Variants in ARNT2 observed in about 807,000 individuals in gnomAD.
ARNT2 encodes ARNT protein 2.
Under a neutral mutation model 91.7 loss-of-function variants are expected in ARNT2, and 36 were observed. The ratio of observed to expected loss-of-function variants is 0.39; its 90% CI spans 0.30 to 0.52. The LOEUF is 0.52. ARNT2 is among the 20% of genes least tolerant of loss of function. ARNT2 has a pLI of 0.72. For missense variants in ARNT2, 775 were observed against 939.3 expected, an observed-to-expected ratio of 0.83 and a Z score of 2.29; for synonymous variants, 365 against 347.1, an observed-to-expected ratio of 1.05 and a Z score of -0.57.
intron 2 of ARNT2, among the ~76,000 whole-genome samples, chr15:80,453,382 AG>A (rs1896432327): frequency 1.3e-5 from 2 of 152,116 alleles, no homozygotes; most frequent in South Asian, 4.1e-4. Flanking sequence ...TGCCGGAGGG[AG>A]GGGGCACACA....
Position 80,591,579 on chromosome 15 carries a change from C to A in ARNT2, c.1930C>A (p.Gln644Lys). 4 of 1,614,140 alleles carry A rather than the reference C, an allele frequency of 2.5e-6. No homozygotes were observed. Among genetic ancestry groups the A allele is most frequent in the Non-Finnish European group, 3.4e-6 (4 of 1,180,024 alleles). Residue 644 changes from glutamine to lysine, a missense_variant, in exon 18 of 19, where the codon CAA (glutamine) becomes AAA (lysine). By Grantham distance (53) the Gln-to-Lys change is moderately conservative. This residue lies in a region of ARNT2 where 325 missense variants were observed against 359.9 expected (regional missense o/e 0.90). Coordinates refer to ENST00000303329, the MANE Select transcript of ARNT2 (RefSeq NM_014862.4). This position sits in a 1 kb window ranked among gnomAD's most constrained non-coding sequence, Gnocchi z 5.1. ...GTCGAATCTTTCAGCTGAAAGTGGA[C>A]AAAGTAGCGGGCAGTTCCAAGGGCG... ...NRTPGFAESGQSSGQFQGRPS... is the reference protein window; with the variant it reads ...NRTPGFAESGKSSGQFQGRPS...
chr15:80,477,749 A>C (rs1367740750), intron 5 of ARNT2, among the ~76,000 whole-genome samples: 1 of 152,234 alleles, frequency 6.6e-6, no homozygotes, highest in Non-Finnish European at 1.5e-5. Context: ...TCCCAAATAC[A>C]GTCACATTCT....
At chr15:80,592,144 C>T (rs1486510397) in intron 18 of ARNT2, among the ~76,000 whole-genome samples, 1 of 152,198 alleles carries the variant, frequency 6.6e-6, no homozygotes, top group African/African-American at 2.4e-5. Flanking sequence ...CAGCCTTGCC[C>T]TGGCTCTGCT....
chr15:80,583,406 G>T (rs1341004707), intron 17 of ARNT2, among the ~76,000 whole-genome samples: 5 of 152,236 alleles, frequency 3.3e-5, no homozygotes, highest in African/African-American at 1.2e-4. Flanking sequence ...AGGCCCTGAA[G>T]TATAAATGGA....
In ARNT2 at chr15:80,563,133, C is replaced by G. The variant is rs768601519; in HGVS notation, c.1210C>G (p.Arg404Gly). Residue 404 changes from arginine (R) to glycine (G), a missense_variant, in exon 12 of 19, where the codon CGC (arginine) becomes GGC (glycine). Physicochemically the swap from Arg to Gly is moderately radical, Grantham distance 125 (BLOSUM62 -2). Coordinates refer to ENST00000303329, the MANE Select transcript of ARNT2 (RefSeq NM_014862.4). ...AGTCCTGTCGGTCATGTATCGATTTCGCACCAAGAACCGGGAGTGGATGTT... is the reference window on the plus strand; with the variant it reads ...AGTCCTGTCGGTCATGTATCGATTTGGCACCAAGAACCGGGAGTGGATGTT... The part of the protein sequence containing the change: ...GQVLSVMYRF[R>G]TKNREWMLIR... 6.2e-7 allele frequency: 1 copy of G among 1,614,176 alleles called. No individual in the cohort carries two copies. The highest frequency in any genetic ancestry group is 2.2e-5 in the East Asian group (1 of 44,882).
chr15:80,435,583 C>T (rs1488383005), intron 1 of ARNT2, among the ~76,000 whole-genome samples: 2 of 152,158 alleles, frequency 1.3e-5, no homozygotes, highest in African/African-American at 4.8e-5. Flanking sequence ...AGCCCTCTCA[C>T]ATTCCTCTGG....
At chr15:80,441,741 T>G (rs1302886362) in intron 1 of ARNT2, among the ~76,000 whole-genome samples, 1 of 152,188 alleles carries the variant, frequency 6.6e-6, no homozygotes, top group East Asian at 1.9e-4. Context: ...TACACTGTAT[T>G]ATAGGAATTC....
Position 80,597,276 on chromosome 15 carries a change from T to A in ARNT2, c.*3578T>A. On this transcript the variant is annotated 3_prime_UTR_variant, in exon 19 of 19. Coordinates refer to ENST00000303329, the MANE Select transcript of ARNT2 (RefSeq NM_014862.4). Reference sequence around the variant, plus strand: ...GCGAGAATGTGAACGCTCACCTTGCTCCGTCACGGTTCTGACCTACCACAT... The same window carrying A: ...GCGAGAATGTGAACGCTCACCTTGCACCGTCACGGTTCTGACCTACCACAT... 1 of 518,484 alleles carries A rather than the reference T, an allele frequency of 1.9e-6. No individual in the cohort carries two copies. The highest frequency in any genetic ancestry group is 3.8e-6 in the Non-Finnish European group (1 of 259,794). 32.1% of individuals were successfully genotyped at this position (518,484 alleles called of 1,614,324 possible).
intron 1 of ARNT2, among the ~76,000 whole-genome samples, chr15:80,406,650 G>A (rs1332453205): frequency 6.6e-6 from 1 of 152,174 alleles, no homozygotes; most frequent in Non-Finnish European, 1.5e-5. Flanking sequence ...AGGAAAGCCT[G>A]TGCCTGTGCC....
intron 12 of ARNT2, among the ~76,000 whole-genome samples, chr15:80,573,790 G>A (rs938216458): frequency 4.6e-5 from 7 of 152,148 alleles, no homozygotes; most frequent in African/African-American, 1.7e-4. Flanking sequence ...GTAAACACCC[G>A]CCCGTTTATG....
chr15:80,583,773 G>A (rs1278641592), intron 17 of ARNT2, among the ~76,000 whole-genome samples: 1 of 152,188 alleles, frequency 6.6e-6, no homozygotes, highest in East Asian at 1.9e-4. Flanking sequence ...TCAAAGCTGG[G>A]CAGTACATCT....
At chr15:80,475,575 A>G (rs1896791017) in intron 5 of ARNT2, 1 of 177,690 alleles carries the variant, frequency 5.6e-6, no homozygotes, top group African/African-American at 2.4e-5. Context: ...AAAAAAAAAA[A>G]AAAAATTATT....
intron 8 of ARNT2, among the ~76,000 whole-genome samples, chr15:80,539,212 A>G (rs986974089): frequency 1.3e-5 from 2 of 152,136 alleles, no homozygotes; most frequent in Non-Finnish European, 2.9e-5. Flanking sequence ...ACAAAAACCT[A>G]CAAACTATGA....
At chr15:80,507,976 A>G (rs1345510374) in intron 5 of ARNT2, among the ~76,000 whole-genome samples, 180 bp from the exon 6 acceptor site, 1 of 152,146 alleles carries the variant, frequency 6.6e-6, no homozygotes, top group African/African-American at 2.4e-5. Context: ...AACTGTATGG[A>G]TTTCATCACT....
At chr15:80,489,970 G>A (rs942204335) in intron 5 of ARNT2, among the ~76,000 whole-genome samples, 21 of 152,178 alleles carry the variant, frequency 1.4e-4, no homozygotes, top group African/African-American at 4.8e-4. Context: ...GACAGTGCCT[G>A]GCGTGGTCTG....
intron 13 of ARNT2, 136 bp from the exon 14 acceptor site, chr15:80,574,851 T>A (rs965827449): frequency 8.6e-7 from 1 of 1,159,482 alleles, no homozygotes. Flanking sequence ...TCCCACCCGA[T>A]AAAATGTTCC....
intron 12 of ARNT2, 118 bp from the exon 13 acceptor site, chr15:80,574,030 T>C (rs1194878012): frequency 2.6e-6 from 2 of 757,838 alleles, no homozygotes; most frequent in African/African-American, 1.7e-5. Context: ...TGGAAAACAA[T>C]GTAGAGATCC....
intron 17 of ARNT2, among the ~76,000 whole-genome samples, chr15:80,587,367 A>G (rs997403287): frequency 1.3e-5 from 2 of 151,640 alleles, no homozygotes; most frequent in African/African-American, 2.4e-5. Context: ...GATAATGACA[A>G]GTGTTTCCAG....
chr15:80,593,774 C>T lies in ARNT2; in HGVS notation c.*76C>T. 4 of 1,372,232 alleles carry T rather than the reference C, an allele frequency of 2.9e-6. No individual in the cohort carries two copies. The highest frequency in any genetic ancestry group is 2.0e-5 in the Admixed American group (1 of 50,062). 85.0% of individuals were successfully genotyped at this position (1,372,232 alleles called of 1,614,324 possible). A position where few individuals can be genotyped will look rare whatever the true frequency, so the allele number is the denominator to read the frequency against. ...TCGATGCCCATGTGAATGAGGCCCA[C>T]CCTCGCCCTGCTTGCCCTGCCGCAG... On this transcript the variant is annotated 3_prime_UTR_variant, in exon 19 of 19. Transcript: ENST00000303329.
Sources: gnomAD v4.1 joint callset for allele counts (sites outside exome capture counted in the v4.1 genomes callset) on GRCh38, gnomAD v4.1.1 for gene constraint, gnomAD v4.1.1 regional missense constraint, Gnocchi (gnomAD v3.1) non-coding constraint, MANE v1.5 for transcripts, NCBI Gene and HGNC (gene_info 2026-07-23, HGNC 2026-07-21) for gene names.